Variants in PIEZO2 observed in about 807,000 individuals in gnomAD.
PIEZO2 encodes piezo-type mechanosensitive ion channel component 2.
PIEZO2 carries 172 observed loss-of-function variants against 337.3 expected under a neutral mutation model. The observed-to-expected ratio is 0.51, with a 90% confidence interval of 0.45 to 0.58. PIEZO2 has a LOEUF of 0.58. Ranked by LOEUF, PIEZO2 falls within the 20% of genes least tolerant of loss-of-function variation. PIEZO2 has a pLI of 0.00. For missense variants in PIEZO2, 3,028 were observed against 3,391.3 expected, an observed-to-expected ratio of 0.89 and a Z score of 2.66; for synonymous variants, 1,251 against 1,228.5, an observed-to-expected ratio of 1.02 and a Z score of -0.38.
chr18:11,024,481 G>A (rs1422838315), intron 2 of PIEZO2, among the ~76,000 whole-genome samples: 2 of 148,632 alleles, frequency 1.3e-5, no homozygotes, highest in East Asian at 4.1e-4. Context: ...GGGAGGCGGA[G>A]CTTGCAGTGA....
intron 4 of PIEZO2, among the ~76,000 whole-genome samples, chr18:10,900,428 A>G (rs2043016557): frequency 6.6e-6 from 1 of 152,182 alleles, no homozygotes; most frequent in Non-Finnish European, 1.5e-5. Flanking sequence ...AGTCACAGGC[A>G]CTTAAGTGTT....
At position 10,726,622 on chromosome 18, in the gene PIEZO2, C is replaced by T; in HGVS notation, c.5029+4785G>A. 1 of 711,082 alleles carries T rather than the reference C, an allele frequency of 1.4e-6. No individual in the cohort carries two copies. The highest frequency in any genetic ancestry group is 1.8e-6 in the Non-Finnish European group (1 of 567,692). 44.0% of individuals were successfully genotyped at this position (711,082 alleles called of 1,614,324 possible). ...GCGCTACGTGCGGGACGCCGACGTGCGCTGGGAGTACTGCGCGCGCGCCAA... is the reference window on the plus strand; with the variant it reads ...GCGCTACGTGCGGGACGCCGACGTGTGCTGGGAGTACTGCGCGCGCGCCAA... On this transcript the variant is annotated intron_variant, in intron 36 of 55. Coordinates refer to ENST00000674853, the MANE Select transcript of PIEZO2 (RefSeq NM_001378183.1). The surrounding 1 kb of genome is among the most constrained non-coding windows in gnomAD (Gnocchi z 5.9).
rs1382340997 is a variant in PIEZO2 at position 11,035,161 on chromosome 18, C to G, written c.160+30966G>C. The stretch of plus-strand genomic sequence containing the variant: ...ACTCCTGAGATGGTTTGGATACTGT[C>G]CTCTCTCCAATTTCTTGTTGAAATG... On this transcript the variant is annotated intron_variant, in intron 2 of 55. Coordinates refer to ENST00000674853, the MANE Select transcript of PIEZO2 (RefSeq NM_001378183.1). This position sits in a 1 kb window ranked among gnomAD's most constrained non-coding sequence, Gnocchi z 4.3. Among the ~76,000 whole-genome samples the G allele has an allele frequency of 6.6e-6, 1 of 152,186 alleles. No homozygotes were observed. The highest frequency in any genetic ancestry group is 1.9e-4 in the East Asian group (1 of 5,192).
chr18:10,852,556 G>A (rs1490819629), intron 7 of PIEZO2, among the ~76,000 whole-genome samples: 1 of 152,150 alleles, frequency 6.6e-6, no homozygotes, highest in Non-Finnish European at 1.5e-5. Context: ...ATCAATCAAA[G>A]CAAGGCCACT....
chr18:10,780,669 C>CTTT lies in PIEZO2; in HGVS notation c.2493-306_2493-304dup, dbSNP rs11392739. On this transcript the variant is annotated intron_variant, in intron 17 of 55. Coordinates refer to ENST00000674853, the MANE Select transcript of PIEZO2 (RefSeq NM_001378183.1). ...GTAATGTTTAAATTTTTTAAGGTAC[C>CTTT]TTTTTTTTTTTTTTTTCAGAGTCTT... 3.9e-3 allele frequency among the ~76,000 whole-genome samples: 517 copies of CTTT among 131,336 alleles called. 12 individuals are homozygous for CTTT. Among genetic ancestry groups the CTTT allele is most frequent in the Middle Eastern group, 0.028 (7 of 252 alleles). 86.2% of individuals were successfully genotyped at this position (131,336 alleles called of 152,430 possible).
intron 5 of PIEZO2, among the ~76,000 whole-genome samples, chr18:10,858,895 A>G (rs115052163): frequency 0.018 from 2,728 of 152,182 alleles, 88 homozygotes; most frequent in African/African-American, 0.063. Context: ...ACATTTGTAT[A>G]TTTTTTTCTG....
chr18:10,856,943 T>G lies in PIEZO2; in HGVS notation c.703+58A>C. The G allele has an allele frequency of 7.0e-7, 1 of 1,419,738 alleles. No homozygotes were observed. The highest frequency in any genetic ancestry group is 9.6e-7 in the Non-Finnish European group (1 of 1,042,592). 87.9% of individuals were successfully genotyped at this position (1,419,738 alleles called of 1,614,324 possible). A position where few individuals can be genotyped will look rare whatever the true frequency, so the allele number is the denominator to read the frequency against. On this transcript the variant is annotated intron_variant, in intron 6 of 55. Coordinates refer to ENST00000674853, the MANE Select transcript of PIEZO2 (RefSeq NM_001378183.1). The surrounding 1 kb of genome is among the most constrained non-coding windows in gnomAD (Gnocchi z 4.7). Reference sequence around the variant, plus strand: ...ATTTCTTCTTCAACCATTTCTCTCATTCACCAAAGCACTGCTTGTGCCTTT... The same window carrying G: ...ATTTCTTCTTCAACCATTTCTCTCAGTCACCAAAGCACTGCTTGTGCCTTT...
intron 31 of PIEZO2, among the ~76,000 whole-genome samples, chr18:10,743,337 T>G (rs2037298937): frequency 1.3e-5 from 2 of 152,126 alleles, no homozygotes; most frequent in East Asian, 3.9e-4. Flanking sequence ...GCAAATGGTG[T>G]CTCCATTTGC....
At chr18:10,734,737 G>T (rs1443525134) in intron 35 of PIEZO2, among the ~76,000 whole-genome samples, 11 of 152,220 alleles carry the variant, frequency 7.2e-5, no homozygotes, top group Admixed American at 7.2e-4. Flanking sequence ...GCACTGGGTG[G>T]ATCAGCCCAG....
intron 1 of PIEZO2, among the ~76,000 whole-genome samples, chr18:11,142,675 G>A (rs1385614665): frequency 1.3e-5 from 2 of 151,852 alleles, no homozygotes; most frequent in African/African-American, 2.4e-5. Flanking sequence ...CAGCTACTCC[G>A]GAGGCTGAGG....
At chr18:10,977,503 G>A (rs746414744) in intron 3 of PIEZO2, among the ~76,000 whole-genome samples, 1 of 151,918 alleles carries the variant, frequency 6.6e-6, no homozygotes, top group African/African-American at 2.4e-5. Context: ...TGGTTAATAA[G>A]CACTGTATCA....
At chr18:10,702,763 G>C (rs1332889134) in intron 42 of PIEZO2, among the ~76,000 whole-genome samples, 1 of 152,230 alleles carries the variant, frequency 6.6e-6, no homozygotes, top group Non-Finnish European at 1.5e-5. Context: ...TTGTATGATA[G>C]AGTAAATCAA....
At chr18:11,091,383 C>CAAAAAAAAAAAAAAAAAAA (rs529307821) in intron 1 of PIEZO2, among the ~76,000 whole-genome samples, 5 of 77,796 alleles carry the variant, frequency 6.4e-5, no homozygotes, top group Admixed American at 1.5e-4. Flanking sequence ...GACTCCGTCT[C>CAAAAAAAAAAAAAAAAAAA]AAAAAAAAAA....
intron 3 of PIEZO2, among the ~76,000 whole-genome samples, chr18:10,941,889 G>A (rs2032743711): frequency 6.6e-6 from 1 of 152,160 alleles, no homozygotes; most frequent in Non-Finnish European, 1.5e-5. Context: ...GTTGTGGGAG[G>A]GACCCAGTGG....
intron 1 of PIEZO2, among the ~76,000 whole-genome samples, chr18:11,142,921 AC>A (rs1237210718): frequency 1.3e-5 from 2 of 152,066 alleles, no homozygotes; most frequent in African/African-American, 4.8e-5. Context: ...TACTAAAAAT[AC>A]AAAAAAATTA....
intron 3 of PIEZO2, among the ~76,000 whole-genome samples, chr18:10,947,017 T>G (rs1231035377): frequency 6.6e-6 from 1 of 151,852 alleles, no homozygotes; most frequent in Non-Finnish European, 1.5e-5. Context: ...AAAATAGAAG[T>G]TATTAAAAAA....
intron 27 of PIEZO2, among the ~76,000 whole-genome samples, chr18:10,754,955 T>C (rs2037779161): frequency 1.3e-5 from 2 of 152,000 alleles, no homozygotes; most frequent in South Asian, 4.2e-4. Flanking sequence ...TGGGCTGGGG[T>C]AAAAGGGCTC....
intron 1 of PIEZO2, among the ~76,000 whole-genome samples, chr18:11,140,310 G>A (rs2040607641): frequency 6.6e-6 from 1 of 152,164 alleles, no homozygotes; most frequent in Admixed American, 6.5e-5. Context: ...AGCATACCAA[G>A]GTAGCTCTGG....
chr18:11,051,345 A>ATGTG lies in PIEZO2; in HGVS notation c.160+14778_160+14781dup, dbSNP rs144159846. Among the ~76,000 whole-genome samples the ATGTG allele has an allele frequency of 5.6e-4, 82 of 146,862 alleles. 2 individuals carry two copies. The highest frequency in any genetic ancestry group is 8.4e-4 in the African/African-American group (33 of 39,122). On this transcript the variant is annotated intron_variant, in intron 2 of 55. Coordinates refer to ENST00000674853, the MANE Select transcript of PIEZO2 (RefSeq NM_001378183.1). ...CCTTAGACAGCAACCATCACTTAGG[A>ATGTG]TGTGTGTGTGTGTGTGTGTGTGTGG... is the stretch of plus-strand genomic sequence containing the variant.
Sources: gnomAD v4.1 joint callset for allele counts (sites outside exome capture counted in the v4.1 genomes callset) on GRCh38, gnomAD v4.1.1 for gene constraint, Gnocchi (gnomAD v3.1) non-coding constraint, MANE v1.5 for transcripts, NCBI Gene and HGNC (gene_info 2026-07-23, HGNC 2026-07-21) for gene names.